The following PRKCH variants were observed in gnomAD, a reference collection of about 807,000 sequenced individuals.
The protein encoded by PRKCH is protein kinase C eta type.
In PRKCH, 28 loss-of-function variants were observed where a neutral mutation model predicts 82.5. The ratio of observed to expected loss-of-function variants is 0.34; its 90% CI spans 0.25 to 0.47. PRKCH has a LOEUF of 0.47. Ranked by LOEUF, PRKCH falls within the 20% of genes least tolerant of loss-of-function variation. The probability of loss-of-function intolerance (pLI) is 1.00; values close to 1 mark genes in which losing one functional copy is unlikely to be tolerated. For synonymous variants in PRKCH, 322 were observed against 327.4 expected (o/e 0.98, Z 0.18); for missense variants, 705 against 881.8 (o/e 0.80, Z 2.54).
chr14:61,412,363 G>T (rs1882311070), intron 2 of PRKCH, among the ~76,000 whole-genome samples: 1 of 152,052 alleles, frequency 6.6e-6, no homozygotes, highest in South Asian at 2.1e-4. Flanking sequence ...TAAACAAAAA[G>T]ACCCCAATTG....
At chr14:61,241,047 G>A (rs972395273) in intron 1 of PRKCH, among the ~76,000 whole-genome samples, 3 of 152,334 alleles carry the variant, frequency 2.0e-5, no homozygotes, top group Middle Eastern at 6.8e-3. Context: ...CACTTCAGAT[G>A]CCAGTTGCAA....
chr14:61,441,217 G>T (rs995359208), intron 2 of PRKCH, among the ~76,000 whole-genome samples: 9 of 151,874 alleles, frequency 5.9e-5, no homozygotes, highest in Non-Finnish European at 1.2e-4. Flanking sequence ...ACATTTTTTT[G>T]AATGCTGCGA....
chr14:61,349,515 A>G (rs2046042669), intron 1 of PRKCH, among the ~76,000 whole-genome samples: 1 of 152,160 alleles, frequency 6.6e-6, no homozygotes. Context: ...TCTGCAGGGC[A>G]TGCCAGATGA....
At chr14:61,385,924 C>A (rs2046580876) in intron 1 of PRKCH, among the ~76,000 whole-genome samples, 1 of 152,040 alleles carries the variant, frequency 6.6e-6, no homozygotes, top group Non-Finnish European at 1.5e-5. Flanking sequence ...GAAAGGTCCC[C>A]CTATACAGGT....
chr14:61,530,424 G>A lies in PRKCH; in HGVS notation c.1590G>A (p.Leu530=), dbSNP rs753292129. 5.0e-6 allele frequency: 8 copies of A among 1,600,356 alleles called. No homozygotes were observed. The highest frequency in any genetic ancestry group is 6.8e-6 in the Non-Finnish European group (8 of 1,172,816). The stretch of plus-strand genomic sequence containing the variant: ...TTGCACAGATCCTCCAGGAAATGCT[G>A]TACGGGCCTGCAGTAGACTGGTGGG... ...YIAPEILQEM[L]YGPAVDWWAM... is the part of the protein sequence containing the mutation. Residue 530 remains leucine (L), a synonymous_variant, in exon 12 of 14, where the codon CTG becomes CTA. Transcript: ENST00000332981.
chr14:61,231,124 G>A (rs1365293913), intron 1 of PRKCH, among the ~76,000 whole-genome samples: 1 of 152,208 alleles, frequency 6.6e-6, no homozygotes, highest in Non-Finnish European at 1.5e-5. Flanking sequence ...GACTGGATGA[G>A]ATCTCTCCAA....
chr14:61,328,129 A>G (rs2045724428), intron 1 of PRKCH, among the ~76,000 whole-genome samples: 1 of 151,748 alleles, frequency 6.6e-6, no homozygotes, highest in African/African-American at 2.4e-5. Context: ...GGGCGCCTGT[A>G]GTCCCAGCTA....
At chr14:61,357,564 G>C (rs944605909) in intron 1 of PRKCH, among the ~76,000 whole-genome samples, 1 of 152,122 alleles carries the variant, frequency 6.6e-6, no homozygotes, top group African/African-American at 2.4e-5. Flanking sequence ...CTCCTTGGCT[G>C]TCAAATGTTC....
chr14:61,200,623 C>A (rs887301419), intron 1 of PRKCH, among the ~76,000 whole-genome samples: 6 of 152,112 alleles, frequency 3.9e-5, no homozygotes, highest in Non-Finnish European at 7.3e-5. Flanking sequence ...TTACAGTAGT[C>A]AATCCTTATC....
Position 61,514,784 on chromosome 14 carries a change from G to A in PRKCH, c.1434-14291G>A, listed in dbSNP as rs150383604. ...GAAATATAAAGATATAGAAACGAAG[G>A]CAATGAGTCTCCTCATGGATATTGC... On this transcript the variant is annotated intron_variant, in intron 10 of 13. Coordinates refer to ENST00000332981, the MANE Select transcript of PRKCH (RefSeq NM_006255.5). Among the ~76,000 whole-genome samples, 148 of 152,208 alleles carry A rather than the reference G, an allele frequency of 9.7e-4. 1 individual carries two copies. The highest frequency in any genetic ancestry group is 3.4e-3 in the Middle Eastern group (1 of 294).
intron 12 of PRKCH, among the ~76,000 whole-genome samples, chr14:61,540,007 T>A (rs1417607008): frequency 6.6e-6 from 1 of 152,258 alleles, no homozygotes; most frequent in Non-Finnish European, 1.5e-5. Context: ...CTCCCTGAAA[T>A]TATTTCTCAT....
At chr14:61,471,670 T>G (rs941327480) in intron 9 of PRKCH, among the ~76,000 whole-genome samples, 1 of 151,430 alleles carries the variant, frequency 6.6e-6, no homozygotes, top group Non-Finnish European at 1.5e-5. Flanking sequence ...TCCTTTACAA[T>G]TAAAAAAAAA....
chr14:61,515,949 C>A (rs1376481187), intron 10 of PRKCH, among the ~76,000 whole-genome samples: 1 of 152,118 alleles, frequency 6.6e-6, no homozygotes, highest in East Asian at 1.9e-4. Context: ...CTCATCATTT[C>A]TATGAGGCAG....
intron 12 of PRKCH, among the ~76,000 whole-genome samples, chr14:61,531,873 G>A (rs1257983788): frequency 2.6e-5 from 4 of 151,932 alleles, no homozygotes; most frequent in Admixed American, 2.6e-4. Context: ...ATAATTTTAT[G>A]GAAAAAAAAA....
intron 1 of PRKCH, chr14:61,281,040 C>A: frequency 1.3e-6 from 2 of 1,529,082 alleles, no homozygotes; most frequent in Non-Finnish European, 1.8e-6. Flanking sequence ...AGAAGAGCGG[C>A]AGCGCGATGC....
intron 1 of PRKCH, among the ~76,000 whole-genome samples, chr14:61,363,324 T>A (rs2046255290): frequency 6.6e-6 from 1 of 152,068 alleles, no homozygotes; most frequent in African/African-American, 2.4e-5. Flanking sequence ...GCTCATTGAG[T>A]CATAGATTTG....
chr14:61,229,977 A>G (rs144146654), intron 1 of PRKCH, among the ~76,000 whole-genome samples: 10 of 152,254 alleles, frequency 6.6e-5, no homozygotes, highest in Admixed American at 3.3e-4. Context: ...TTATTTTTGT[A>G]AGAGTGGGTG....
chr14:61,337,288 C>T (rs935861259), intron 1 of PRKCH, among the ~76,000 whole-genome samples: 23 of 151,922 alleles, frequency 1.5e-4, no homozygotes, highest in African/African-American at 4.4e-4. Context: ...GGACCATAGG[C>T]GTGCGCCACC....
At chr14:61,426,842 T>C (rs1883132968) in intron 2 of PRKCH, among the ~76,000 whole-genome samples, 1 of 152,244 alleles carries the variant, frequency 6.6e-6, no homozygotes, top group Non-Finnish European at 1.5e-5. Flanking sequence ...TTTTCATCTC[T>C]CATAATTTAC....
Sources: gnomAD v4.1 joint callset for allele counts (sites outside exome capture counted in the v4.1 genomes callset) on GRCh38, gnomAD v4.1.1 for gene constraint, MANE v1.5 for transcripts, NCBI Gene and HGNC (gene_info 2026-07-23, HGNC 2026-07-21) for gene names.